BRD8: variants seen among roughly 807,000 people sequenced by gnomAD.
The protein encoded by BRD8 is bromodomain containing 8.
Under a neutral mutation model 143.1 loss-of-function variants are expected in BRD8, and 67 were observed. The ratio of observed to expected loss-of-function variants is 0.47; its 90% CI spans 0.38 to 0.57. The LOEUF (loss-of-function observed/expected upper bound fraction) is 0.57. BRD8 is among the 20% of genes least tolerant of loss of function. The pLI is 0.00. For missense variants in BRD8, 1,103 were observed against 1,503.0 expected, an observed-to-expected ratio of 0.73 and a Z score of 4.40; for synonymous variants, 505 against 517.1, an observed-to-expected ratio of 0.98 and a Z score of 0.32.
intron 9 of BRD8, 164 bp from the exon 10 acceptor site, chr5:138,166,891 T>A (rs1417753485): frequency 1.7e-6 from 1 of 579,564 alleles, no homozygotes; most frequent in East Asian, 3.0e-5. Context: ...CTAACCTTAC[T>A]TAAGATCTTC....
chr5:138,170,405 T>G lies in BRD8; in HGVS notation c.445A>C (p.Lys149Gln). The G allele has an allele frequency of 6.2e-7, 1 of 1,614,060 alleles. No individual in the cohort carries two copies. The highest frequency in any genetic ancestry group is 8.5e-7 in the Non-Finnish European group (1 of 1,179,996). ...TCAGCCTCCTCTTCTTCCAATTTCT[T>G]TTTCCTAAACAGGGAATTAAGGGTT... ...DELCNDIATK[K>Q]KLEEEEAEVK... is the part of the protein sequence containing the mutation. Residue 149 changes from lysine (K) to glutamine (Q), a missense_variant, in exon 7 of 27, where the codon AAG (lysine) becomes CAG (glutamine). Lys to Gln is a moderately conservative substitution (Grantham distance 53). Transcript: ENST00000254900.
At position 138,152,479 on chromosome 5, in the gene BRD8, T is replaced by C; in HGVS notation, c.2856+3A>G. ...AGCTTTGGAAATAAGAGCTCACTGTTACCTCAGAGAGAAAGTGGAGGAGGT... is the reference window on the plus strand; with the variant it reads ...AGCTTTGGAAATAAGAGCTCACTGTCACCTCAGAGAGAAAGTGGAGGAGGT... On this transcript the variant is annotated splice_donor_region_variant and intron_variant, in intron 21 of 26. Transcript: ENST00000254900. The C allele has an allele frequency of 3.7e-6, 6 of 1,613,726 alleles. No individual in the cohort carries two copies. The highest frequency in any genetic ancestry group is 5.1e-6 in the Non-Finnish European group (6 of 1,179,858).
chr5:138,163,567 GAA>G, intron 14 of BRD8: 1 of 1,331,432 alleles, frequency 7.5e-7, no homozygotes, highest in Non-Finnish European at 9.9e-7. Context: ...TAAAAAGAAA[GAA>G]AAAAAAAAGC....
At chr5:138,170,513 GA>G in intron 6 of BRD8, 104 bp from the exon 7 acceptor site, 1 of 1,209,596 alleles carries the variant, frequency 8.3e-7, no homozygotes, top group East Asian at 2.3e-5. Context: ...GCACTTTCTG[GA>G]AGAAAGGCCT....
At chr5:138,142,365 T>C (rs1167387631) in intron 25 of BRD8, among the ~76,000 whole-genome samples, 1 of 152,204 alleles carries the variant, frequency 6.6e-6, no homozygotes, top group Non-Finnish European at 1.5e-5. Flanking sequence ...TGTGGTATTG[T>C]GCTATAGCAG....
rs79301652 is a variant in BRD8 at position 138,153,371 on chromosome 5, A to G, written c.2578-611T>C. ...TGTCCTCTCCCTTTTACAACTTTCA[A>G]TAAATCCCTACCTTCTATGTTCATG... On this transcript the variant is annotated intron_variant, in intron 20 of 26. Transcript: ENST00000254900. 7.9e-5 allele frequency among the ~76,000 whole-genome samples: 12 copies of G among 152,216 alleles called. No homozygotes were observed. In the East Asian group the frequency reaches 1.7e-3, roughly 22 times the overall value.
intron 2 of BRD8, chr5:138,172,665 CAAAAAAAAAAAAAAAAAAAA>C (rs147364810): frequency 4.6e-5 from 10 of 216,708 alleles, no homozygotes; most frequent in South Asian, 2.5e-4. Flanking sequence ...CCCATCCCTA[CAAAAAAAAAAAAAAAAAAAA>C]AAAAAAAAAA....
At chr5:138,165,317 T>C in intron 11 of BRD8, 151 bp from the exon 12 acceptor site, 1 of 763,482 alleles carries the variant, frequency 1.3e-6, no homozygotes, top group Non-Finnish European at 2.1e-6. Flanking sequence ...GCACCTGTCC[T>C]GTGCAAACCA....
chr5:138,154,740 G>A (rs2151188414), intron 20 of BRD8, among the ~76,000 whole-genome samples: 1 of 151,940 alleles, frequency 6.6e-6, no homozygotes, highest in East Asian at 1.9e-4. Context: ...CCAGGCTCCA[G>A]TGTGACATAT....
chr5:138,143,971 G>C (rs1752027767), intron 25 of BRD8, among the ~76,000 whole-genome samples: 1 of 152,182 alleles, frequency 6.6e-6, no homozygotes, highest in African/African-American at 2.4e-5. Flanking sequence ...TGGAGGCTTT[G>C]TTCTTTCACT....
At chr5:138,145,144 C>G (rs1381239102) in intron 25 of BRD8, 33 bp downstream of exon 25, 1 of 1,588,096 alleles carries the variant, frequency 6.3e-7, no homozygotes. Context: ...GATATAAAAG[C>G]AACCAACCTT....
chr5:138,148,166 A>G (rs1455444261), intron 23 of BRD8, among the ~76,000 whole-genome samples: 1 of 150,200 alleles, frequency 6.7e-6, no homozygotes, highest in African/African-American at 2.5e-5. Flanking sequence ...CTGGAAAAAA[A>G]AAAAAAAAAA....
In BRD8 at chr5:138,177,769, A is replaced by G. The variant is rs534122048; in HGVS notation, c.20-102T>C. The G allele has an allele frequency of 5.5e-5, 36 of 649,558 alleles. No individual in the cohort carries two copies. In the South Asian group the frequency reaches 7.2e-4, roughly 13 times the overall value. The allele number at this position is 649,558 out of a possible 1,614,324, so 40.2% of individuals were successfully genotyped here. On this transcript the variant is annotated intron_variant, in intron 1 of 26. Transcript: ENST00000254900. Reference sequence around the variant, plus strand: ...AAGAGGACTAAAAGCCTAATACAAAACATCCCAACTTGTTAGGACAAAGTG... The same window carrying G: ...AAGAGGACTAAAAGCCTAATACAAAGCATCCCAACTTGTTAGGACAAAGTG...
In BRD8 at chr5:138,163,156, G is replaced by A. The variant is rs1472707691; in HGVS notation, c.2061C>T (p.Ile687=). 2 of 1,614,012 alleles carry A rather than the reference G, an allele frequency of 1.2e-6. No homozygotes were observed. Among genetic ancestry groups the A allele is most frequent in the Non-Finnish European group, 1.7e-6 (2 of 1,180,024 alleles). Residue 687 remains isoleucine (I), a synonymous_variant, in exon 15 of 27, where the codon ATC becomes ATT. Transcript: ENST00000254900. Reference sequence around the variant, plus strand: ...ACTGTGAAGAAGCAGGGCTGCTGGGGATGGAGTCTGCCAGTGTGTGTGACT... The same window carrying A: ...ACTGTGAAGAAGCAGGGCTGCTGGGAATGGAGTCTGCCAGTGTGTGTGACT... ...TLQSHTLADS[I]PSSPASSQFS...
chr5:138,171,739 C>T (rs1284434324), intron 3 of BRD8, among the ~76,000 whole-genome samples: 1 of 152,170 alleles, frequency 6.6e-6, no homozygotes, highest in Non-Finnish European at 1.5e-5. Context: ...CAATTAGCTT[C>T]ACAACAATCC....
At chr5:138,172,665 CAAAAAAAAAAAAAAAAA>C (rs147364810) in intron 2 of BRD8, 2 of 214,494 alleles carry the variant, frequency 9.3e-6, no homozygotes, top group African/African-American at 8.7e-5. Context: ...CCCATCCCTA[CAAAAAAAAAAAAAAAAA>C]AAAAAAAAAA....
chr5:138,155,393 G>A (rs1752543747), intron 20 of BRD8, among the ~76,000 whole-genome samples: 2 of 150,208 alleles, frequency 1.3e-5, no homozygotes, highest in African/African-American at 4.9e-5. Context: ...AGGTTGCAGT[G>A]AGCCGAGATT....
At chr5:138,149,071 A>G (rs1490968396) in intron 23 of BRD8, among the ~76,000 whole-genome samples, 2 of 151,726 alleles carry the variant, frequency 1.3e-5, no homozygotes, top group African/African-American at 4.8e-5. Context: ...GTCTCTATTA[A>G]AGAAAAAAAA....
chr5:138,163,647 G>C (rs1048665655), intron 14 of BRD8: 71 of 1,396,524 alleles, frequency 5.1e-5, no homozygotes, highest in South Asian at 2.4e-4. Flanking sequence ...TCTGACCCTG[G>C]GTACAAAGTT....
Sources: allele counts gnomAD v4.1 joint callset (sites outside exome capture counted in the v4.1 genomes callset), GRCh38; gene constraint gnomAD v4.1.1; transcripts MANE v1.5; gene names NCBI Gene and HGNC (gene_info 2026-07-23, HGNC 2026-07-21).